RTEL1: variants seen among roughly 807,000 people sequenced by gnomAD.
RTEL1 encodes regulator of telomere length.
Under a neutral mutation model 162.2 loss-of-function variants are expected in RTEL1, and 86 were observed. That is an observed-to-expected ratio of 0.53 (90% CI 0.45 to 0.63). The LOEUF (loss-of-function observed/expected upper bound fraction) is 0.63, where lower values mean the gene tolerates loss of function less well. Among genes scored for constraint, RTEL1 ranks in the 30% least tolerant of loss-of-function variants. The pLI, the probability that RTEL1 is intolerant of heterozygous loss-of-function variation, is 0.00. For missense variants in RTEL1, 1,941 were observed against 1,750.2 expected (o/e 1.11, Z -1.95); for synonymous variants, 958 against 717.9 (o/e 1.33, Z -5.35).
chr20:63,662,899 G>A lies in RTEL1; in HGVS notation c.538+10G>A. ...TACAACAACGTAGAAGGTACAAGCAGCTGGGTGGGACCAGGGTCGGGTTGG... is the reference window on the plus strand; with the variant it reads ...TACAACAACGTAGAAGGTACAAGCAACTGGGTGGGACCAGGGTCGGGTTGG... On this transcript the variant is annotated intron_variant, in intron 6 of 34. Coordinates refer to ENST00000360203, the MANE Select transcript of RTEL1 (RefSeq NM_001283009.2). The A allele has an allele frequency of 6.2e-7, 1 of 1,613,640 alleles. No individual in the cohort carries two copies. The highest frequency in any genetic ancestry group is 1.1e-5 in the South Asian group (1 of 91,084).
rs751642972 is a variant in RTEL1, at chr20:63,661,209, C to G, written c.103-89C>G. ...GCCTCTGCATCTGCAAAGAGCTGCC[C>G]GCTGGCTGCCGAAGCTTGTCTCAGG... On this transcript the variant is annotated intron_variant, in intron 2 of 34. Coordinates refer to ENST00000360203, the MANE Select transcript of RTEL1 (RefSeq NM_001283009.2). This position sits in a 1 kb window ranked among gnomAD's most constrained non-coding sequence, Gnocchi z 5.1. 1 of 1,255,206 alleles carries G rather than the reference C, an allele frequency of 8.0e-7. No homozygotes were observed. Among genetic ancestry groups the G allele is most frequent in the African/African-American group, 1.5e-5 (1 of 67,522 alleles). The allele number at this position is 1,255,206 out of a possible 1,614,324, so 77.8% of individuals were successfully genotyped here. A position where few individuals can be genotyped will look rare whatever the true frequency, so the allele number is the denominator to read the frequency against.
chr20:63,689,040 C>T lies in RTEL1; in HGVS notation c.1801-15C>T, dbSNP rs766762905. On this transcript the variant is annotated splice_polypyrimidine_tract_variant and intron_variant, in intron 21 of 34. Coordinates refer to ENST00000360203, the MANE Select transcript of RTEL1 (RefSeq NM_001283009.2). The stretch of plus-strand genomic sequence containing the variant: ...GGGGGGGCTCCAGGCTCAGCCTCAC[C>T]AACTTTCCTTCCAGACCATCAGTGC... The T allele has an allele frequency of 6.2e-6, 10 of 1,609,212 alleles. No homozygotes were observed. Among genetic ancestry groups the T allele is most frequent in the Non-Finnish European group, 8.5e-6 (10 of 1,179,022 alleles).
At chr20:63,670,646 C>T (rs977367521) in intron 8 of RTEL1, among the ~76,000 whole-genome samples, 2 of 152,146 alleles carry the variant, frequency 1.3e-5, no homozygotes, top group African/African-American at 2.4e-5. Flanking sequence ...ACTCCACAAA[C>T]GTGTGGCAAA....
At chr20:63,682,893 C>T (rs1009565259) in intron 14 of RTEL1, among the ~76,000 whole-genome samples, 6 of 152,218 alleles carry the variant, frequency 3.9e-5, no homozygotes, top group South Asian at 4.1e-4. Flanking sequence ...CCTGGGCCCC[C>T]GTGAGACTGC....
intron 14 of RTEL1, among the ~76,000 whole-genome samples, chr20:63,684,888 T>G (rs113548943): frequency 6.8e-6 from 1 of 146,348 alleles, no homozygotes; most frequent in African/African-American, 2.6e-5. Context: ...TGAATTCCTG[T>G]TTTTTTTTTG....
At position 63,695,539 on chromosome 20, in the gene RTEL1, C is replaced by T; in HGVS notation, c.3711C>T (p.Pro1237=). 3.1e-6 allele frequency: 5 copies of T among 1,612,378 alleles called. No individual in the cohort carries two copies. The highest frequency in any genetic ancestry group is 4.2e-6 in the Non-Finnish European group (5 of 1,179,862). Residue 1237 remains proline, a synonymous_variant, in exon 34 of 35, where the codon CCC becomes CCT. Transcript: ENST00000360203. ...AGGCCACGGGAGCTCCGGGCGGGCCCCTCTCAGCAGGCTGTGTGTGCCAGG... is the reference window on the plus strand; with the variant it reads ...AGGCCACGGGAGCTCCGGGCGGGCCTCTCTCAGCAGGCTGTGTGTGCCAGG... ...GQQATGAPGG[P]LSAGCVCQGC... is the part of the protein sequence containing the mutation.
Position 63,693,190 on chromosome 20 carries a change from G to C in RTEL1, c.2899G>C (p.Val967Leu), listed in dbSNP as rs149537474. The C allele has an allele frequency of 1.9e-5, 30 of 1,612,090 alleles. No homozygotes were observed. In the African/African-American group the frequency reaches 3.9e-4, roughly 21 times the overall value. ...RPHHKQQFEE[V>L]CIQLTGRGCG... is the part of the protein sequence containing the mutation. ...CCACCATAAGCAGCAGTTTGAGGAG[G>C]TCTGTATCCAGCTGACAGGACGAGG... is the stretch of plus-strand genomic sequence containing the variant. The change falls in exon 30 of 35, where the codon GTC becomes CTC. Residue 967 changes from valine to leucine, a missense_variant. Physicochemically the swap from Val to Leu is conservative, Grantham distance 32 (BLOSUM62 1). Coordinates refer to ENST00000360203, the MANE Select transcript of RTEL1 (RefSeq NM_001283009.2).
In RTEL1 at chr20:63,694,306, C is replaced by G. The variant is rs756197039; in HGVS notation, c.2993-66C>G. On this transcript the variant is annotated intron_variant, in intron 30 of 34. Transcript: ENST00000360203. Reference sequence around the variant, plus strand: ...GCCTGGCCTCCCTAGCCAGCCCTGCCCCCCCACCCCAGGGAACTTTCCAGA... The same window carrying G: ...GCCTGGCCTCCCTAGCCAGCCCTGCGCCCCCACCCCAGGGAACTTTCCAGA... The G allele has an allele frequency of 2.2e-5, 20 of 908,688 alleles. 1 individual carries two copies. In the South Asian group the frequency reaches 2.5e-4, roughly 11 times the overall value. 56.3% of individuals were successfully genotyped at this position (908,688 alleles called of 1,614,324 possible).
Position 63,687,889 on chromosome 20 carries a change from G to A in RTEL1, c.1482-48G>A, listed in dbSNP as rs866856456. On this transcript the variant is annotated intron_variant, in intron 17 of 34. Coordinates refer to ENST00000360203, the MANE Select transcript of RTEL1 (RefSeq NM_001283009.2). ...GGGTCTCGGGCCTCGAGGGCTAAAG[G>A]GGTGCTGGTGCACTTCCCCACTGTC... is the stretch of plus-strand genomic sequence containing the variant. 1.1e-5 allele frequency: 18 copies of A among 1,603,140 alleles called. 1 individual carries two copies. The Middle Eastern group carries it at 3.1e-3, about 277-fold the overall frequency.
chr20:63,687,848 A>G, intron 17 of RTEL1, 78 bp downstream of exon 17: 1 of 1,561,574 alleles, frequency 6.4e-7, no homozygotes, highest in Non-Finnish European at 8.7e-7. Flanking sequence ...GGGGGTCCCC[A>G]TGAGCCGGGT....
At chr20:63,671,952 C>T (rs949788908) in intron 8 of RTEL1, among the ~76,000 whole-genome samples, 7 of 152,212 alleles carry the variant, frequency 4.6e-5, no homozygotes, top group South Asian at 2.1e-4. Flanking sequence ...GACACAATCT[C>T]GGCTCACATT....
intron 14 of RTEL1, among the ~76,000 whole-genome samples, chr20:63,683,467 CTCCTT>C (rs2090519389): frequency 6.6e-6 from 1 of 152,236 alleles, no homozygotes. Flanking sequence ...AAATTTCTCT[CTCCTT>C]CTGTGCGTAC....
At chr20:63,665,758 C>T (rs566247722) in intron 6 of RTEL1, among the ~76,000 whole-genome samples, 3 of 152,304 alleles carry the variant, frequency 2.0e-5, no homozygotes, top group African/African-American at 7.2e-5. Flanking sequence ...CTGCTGGCCT[C>T]CGTCTGGTCC....
In RTEL1 at chr20:63,695,400, G is replaced by A. The variant is rs767695922; in HGVS notation, c.3572G>A (p.Gly1191Glu). 24 of 1,558,274 alleles carry A rather than the reference G, an allele frequency of 1.5e-5. No individual in the cohort carries two copies. The South Asian group carries it at 2.2e-4, about 14-fold the overall frequency. ...ISSFLRQRPA[G>E]TVGAGGEDAG... ...TCCTTCCTTAGACAGAGGCCAGCAGGGACTGTGGGGGCGGGCGGTGAGGAT... is the reference window on the plus strand; with the variant it reads ...TCCTTCCTTAGACAGAGGCCAGCAGAGACTGTGGGGGCGGGCGGTGAGGAT... The change falls in exon 34 of 35, where the codon GGG becomes GAG. Residue 1191 changes from glycine to glutamate, a missense_variant. Physicochemically the swap from Gly to Glu is moderately conservative, Grantham distance 98. Coordinates refer to ENST00000360203, the MANE Select transcript of RTEL1 (RefSeq NM_001283009.2).
intron 14 of RTEL1, chr20:63,682,446 G>A (rs569592124): frequency 3.6e-5 from 35 of 985,854 alleles, no homozygotes; most frequent in African/African-American, 1.2e-4. Context: ...CTCTGGAACC[G>A]GATCCTGGAA....
chr20:63,692,756 C>G, intron 28 of RTEL1, 49 bp from the exon 29 acceptor site: 1 of 1,555,412 alleles, frequency 6.4e-7, no homozygotes. Context: ...GCCCCAGGGA[C>G]CAGATGATGA....
In RTEL1 at chr20:63,690,906, G is replaced by A; in HGVS notation, c.2515G>A (p.Glu839Lys). 6.3e-7 allele frequency: 1 copy of A among 1,576,916 alleles called. No individual in the cohort carries two copies. The part of the protein sequence containing the change: ...QRPRGLLAAL[E>K]HSEQRAGSPG... ...GCCCAGGGGGCTGCTGGCCGCCCTG[G>A]AGCACAGCGAACAGCGGGCGGGGAG... Residue 839 changes from glutamate to lysine, a missense_variant, in exon 27 of 35, where the codon GAG (glutamate) becomes AAG (lysine). By Grantham distance (56) the Glu-to-Lys change is moderately conservative. Coordinates refer to ENST00000360203, the MANE Select transcript of RTEL1 (RefSeq NM_001283009.2).
At position 63,688,726 on chromosome 20, in the gene RTEL1, C is replaced by G. The variant is rs1364922072; in HGVS notation, c.1800+121C>G. 7 of 846,970 alleles carry G rather than the reference C, an allele frequency of 8.3e-6. No homozygotes were observed. The East Asian group carries it at 1.9e-4, about 23-fold the overall frequency. The allele number at this position is 846,970 out of a possible 1,614,324, so 52.5% of individuals were successfully genotyped here. On this transcript the variant is annotated intron_variant, in intron 21 of 34. Transcript: ENST00000360203. Reference sequence around the variant, plus strand: ...GCTCCGGCGGCTCCCGCTGCCTCTTCAGGGCTCCTGCGTTTCCTTCCTGGC... The same window carrying G: ...GCTCCGGCGGCTCCCGCTGCCTCTTGAGGGCTCCTGCGTTTCCTTCCTGGC...
At position 63,689,797 on chromosome 20, in the gene RTEL1, G is replaced by A. The variant is rs2090683931; in HGVS notation, c.2073G>A (p.Val691=). 6.2e-7 allele frequency: 1 copy of A among 1,612,206 alleles called. No individual in the cohort carries two copies. Among genetic ancestry groups the A allele is most frequent in the Non-Finnish European group, 8.5e-7 (1 of 1,179,780 alleles). Residue 691 remains valine (V), a synonymous_variant, in exon 24 of 35, where the codon GTG becomes GTA. Transcript: ENST00000360203. Reference sequence around the variant, plus strand: ...ACCGGCAGCAGGCGTCCAGGGCTGTGAACCAGGCCATCGGGCGAGTGATCC... The same window carrying A: ...ACCGGCAGCAGGCGTCCAGGGCTGTAAACCAGGCCATCGGGCGAGTGATCC... The part of the protein sequence containing the change: ...EWYRQQASRA[V]NQAIGRVIRH...
Sources: gnomAD v4.1 joint callset for allele counts (sites outside exome capture counted in the v4.1 genomes callset) on GRCh38, gnomAD v4.1.1 for gene constraint, Gnocchi (gnomAD v3.1) non-coding constraint, MANE v1.5 for transcripts, NCBI Gene and HGNC (gene_info 2026-07-23, HGNC 2026-07-21) for gene names.